The following LOC128462377 variants were observed in gnomAD, a reference collection of about 807,000 sequenced individuals.
At chr16:89,319,904 A>G in the LOC128462377 span, 1 of 152,672 alleles carries the variant, frequency 6.5e-6, no homozygotes, top group Non-Finnish European at 1.5e-5. Context: ...TGCCCTGGTG[A>G]TGCCTCTGGC....
chr16:89,411,324 C>CA, the LOC128462377 span, among the ~76,000 whole-genome samples: 95,973 of 152,220 alleles, frequency 0.63, 31,268 homozygotes, highest in African/African-American at 0.81. Context: ...TCCCTGCACA[C>CA]AGCGGTGGGA....
At chr16:89,326,185 G>A in the LOC128462377 span, among the ~76,000 whole-genome samples, 3 of 152,204 alleles carry the variant, frequency 2.0e-5, no homozygotes, top group Non-Finnish European at 2.9e-5. Flanking sequence ...AATCATGGCC[G>A]TAAGGCAGGG....
At chr16:89,318,476 G>T in the LOC128462377 span, among the ~76,000 whole-genome samples, 3 of 152,238 alleles carry the variant, frequency 2.0e-5, no homozygotes, top group African/African-American at 7.2e-5. Context: ...ACCATGCCGG[G>T]AGAAGCAGCT....
the LOC128462377 span, among the ~76,000 whole-genome samples, chr16:89,353,238 A>C: frequency 6.6e-6 from 1 of 151,828 alleles, no homozygotes; most frequent in Non-Finnish European, 1.5e-5. Context: ...GCTACTCAGG[A>C]GGCTGAGGCA....
At chr16:89,333,604 C>G in the LOC128462377 span, among the ~76,000 whole-genome samples, 4 of 152,288 alleles carry the variant, frequency 2.6e-5, no homozygotes, top group South Asian at 8.3e-4. Context: ...ATGTCAGAGT[C>G]GGAACCCTAC....
chr16:89,321,474 G>A, the LOC128462377 span, among the ~76,000 whole-genome samples: 1 of 151,072 alleles, frequency 6.6e-6, no homozygotes. Context: ...CGGGGACTGT[G>A]GGGCCGGGTG....
chr16:89,350,937 G>C, the LOC128462377 span, among the ~76,000 whole-genome samples: 2 of 152,296 alleles, frequency 1.3e-5, no homozygotes, highest in East Asian at 1.9e-4. Flanking sequence ...CTCAGCAACA[G>C]GCTCTACCAT....
chr16:89,322,428 T>C, the LOC128462377 span, among the ~76,000 whole-genome samples: 1 of 152,200 alleles, frequency 6.6e-6, no homozygotes, highest in Non-Finnish European at 1.5e-5. Context: ...ACCATTTAAA[T>C]ATCGAATGGT....
At chr16:89,347,505 G>A in the LOC128462377 span, among the ~76,000 whole-genome samples, 1 of 151,980 alleles carries the variant, frequency 6.6e-6, no homozygotes, top group South Asian at 2.1e-4. Flanking sequence ...CAGCTACTAG[G>A]GAGGCTGAGG....
the LOC128462377 span, among the ~76,000 whole-genome samples, chr16:89,404,471 A>T: frequency 2.0e-5 from 3 of 152,210 alleles, no homozygotes; most frequent in Non-Finnish European, 4.4e-5. Context: ...ATAGCCACAA[A>T]ATATTATTTT....
chr16:89,372,650 T>G, the LOC128462377 span, among the ~76,000 whole-genome samples: 3 of 152,176 alleles, frequency 2.0e-5, no homozygotes, highest in Admixed American at 2.0e-4. Flanking sequence ...AAAAAAATTT[T>G]TTTGAAAACA....
chr16:89,344,373 GC>G, the LOC128462377 span, among the ~76,000 whole-genome samples: 1 of 152,296 alleles, frequency 6.6e-6, no homozygotes, highest in Non-Finnish European at 1.5e-5. Flanking sequence ...TGCTATGAAT[GC>G]CTGGCCAGGC....
chr16:89,324,215 G>A, the LOC128462377 span: 2 of 1,193,700 alleles, frequency 1.7e-6, no homozygotes, highest in Non-Finnish European at 2.1e-6. Flanking sequence ...CAGCATTACT[G>A]GCCTCTGCTT....
At chr16:89,370,902 CCA>C in the LOC128462377 span, among the ~76,000 whole-genome samples, 2 of 152,144 alleles carry the variant, frequency 1.3e-5, no homozygotes, top group African/African-American at 4.8e-5. Context: ...CTCAACACAC[CCA>C]AGAACAGAAC....
chr16:89,347,865 C>T, the LOC128462377 span, among the ~76,000 whole-genome samples: 127 of 152,156 alleles, frequency 8.3e-4, no homozygotes, highest in Admixed American at 1.4e-3. Flanking sequence ...TCAGAACGTC[C>T]TCCATCAGAC....
At chr16:89,335,404 G>C in the LOC128462377 span, among the ~76,000 whole-genome samples, 3 of 152,206 alleles carry the variant, frequency 2.0e-5, no homozygotes, top group African/African-American at 7.2e-5. Context: ...AGCAGCTTGA[G>C]GCCTCTGCAT....
the LOC128462377 span, among the ~76,000 whole-genome samples, chr16:89,319,428 G>A: frequency 1.3e-5 from 2 of 152,210 alleles, no homozygotes; most frequent in African/African-American, 4.8e-5. Context: ...GCATCACAGC[G>A]AACACTCCGG....
the LOC128462377 span, among the ~76,000 whole-genome samples, chr16:89,403,062 C>T: frequency 1.3e-5 from 2 of 152,152 alleles, no homozygotes; most frequent in South Asian, 2.1e-4. Context: ...TGCGTGGTGG[C>T]GGGTGGCCTG....
At chr16:89,343,237 CCCAGCTCGG>C in the LOC128462377 span, among the ~76,000 whole-genome samples, 1 of 152,110 alleles carries the variant, frequency 6.6e-6, no homozygotes, top group Non-Finnish European at 1.5e-5. Flanking sequence ...GAGTGATCCA[CCCAGCTCGG>C]CCTCCCGAAG....
Sources: allele counts gnomAD v4.1 joint callset (sites outside exome capture counted in the v4.1 genomes callset), GRCh38; gene constraint gnomAD v4.1.1; transcripts MANE v1.5.